Variants in ATP8B4 observed in about 807,000 individuals in gnomAD.
The protein encoded by ATP8B4 is ATPase phospholipid transporting 8B4 (putative).
Under a neutral mutation model 145.6 loss-of-function variants are expected in ATP8B4, and 133 were observed. The ratio of observed to expected loss-of-function variants is 0.91; its 90% CI spans 0.79 to 1.05. The LOEUF is 1.05. ATP8B4 is among the 50% of genes least tolerant of loss of function. ATP8B4 has a pLI of 0.00. For missense variants in ATP8B4, 1,458 were observed against 1,425.2 expected (o/e 1.02, Z -0.37); for synonymous variants, 507 against 492.9 (o/e 1.03, Z -0.38).
chr15:49,988,328 G>A (rs1314754666), intron 9 of ATP8B4, among the ~76,000 whole-genome samples: 2 of 152,020 alleles, frequency 1.3e-5, no homozygotes, highest in Non-Finnish European at 2.9e-5. Context: ...AATCTTTCAC[G>A]GACCCTGCCA....
chr15:50,136,018 T>C (rs2044116734), intron 1 of ATP8B4, among the ~76,000 whole-genome samples: 1 of 152,230 alleles, frequency 6.6e-6, no homozygotes, highest in Non-Finnish European at 1.5e-5. Context: ...TTCCGAACTA[T>C]TGATATAACC....
At chr15:50,045,722 C>A (rs1375972684) in intron 4 of ATP8B4, among the ~76,000 whole-genome samples, 1 of 152,220 alleles carries the variant, frequency 6.6e-6, no homozygotes, top group African/African-American at 2.4e-5. Context: ...ACCACCTAAT[C>A]TCTCTGGGTC....
At chr15:50,125,108 A>G (rs2057298633) in intron 1 of ATP8B4, among the ~76,000 whole-genome samples, 1 of 152,190 alleles carries the variant, frequency 6.6e-6, no homozygotes, top group Non-Finnish European at 1.5e-5. Context: ...GCTTTTTTAT[A>G]GACTGACATC....
chr15:50,059,657 G>A (rs902906511), intron 3 of ATP8B4, among the ~76,000 whole-genome samples: 4 of 152,036 alleles, frequency 2.6e-5, no homozygotes, highest in South Asian at 4.1e-4. Flanking sequence ...TCCTTTTCCC[G>A]ATTCACTCCA....
Position 49,979,728 on chromosome 15 carries a change from G to A in ATP8B4, c.923C>T (p.Thr308Ile). The change falls in exon 12 of 28, where the codon ACT (threonine) becomes ATT (isoleucine). Residue 308 changes from threonine to isoleucine, a missense_variant. Thr to Ile is a moderately conservative substitution (Grantham distance 89). Coordinates refer to ENST00000284509, the MANE Select transcript of ATP8B4 (RefSeq NM_024837.4). ...WESQTGDQFR[T>I]FLFWNEGEKS... Reference sequence around the variant, plus strand: ...CTCTCCTTCATTCCAAAAGAGGAAAGTTCTGAATTGGTCCCCAGTTTGACT... The same window carrying A: ...CTCTCCTTCATTCCAAAAGAGGAAAATTCTGAATTGGTCCCCAGTTTGACT... 1 of 1,610,460 alleles carries A rather than the reference G, an allele frequency of 6.2e-7. No homozygotes were observed. The highest frequency in any genetic ancestry group is 8.5e-7 in the Non-Finnish European group (1 of 1,177,096).
Position 49,996,774 on chromosome 15 carries a change from A to T in ATP8B4, c.507-15T>A, listed in dbSNP as rs2047463782. Reference sequence around the variant, plus strand: ...GGTTCGTTTCCCTGTGAAATTATTGACATGACATGAATTTTTATATGGAAC... The same window carrying T: ...GGTTCGTTTCCCTGTGAAATTATTGTCATGACATGAATTTTTATATGGAAC... On this transcript the variant is annotated splice_polypyrimidine_tract_variant and intron_variant, in intron 8 of 27. Transcript: ENST00000284509. The T allele has an allele frequency of 1.3e-6, 2 of 1,596,892 alleles. No individual in the cohort carries two copies. The highest frequency in any genetic ancestry group is 1.7e-6 in the Non-Finnish European group (2 of 1,166,328).
intron 6 of ATP8B4, among the ~76,000 whole-genome samples, chr15:50,017,930 AT>A (rs1164482003): frequency 3.9e-5 from 6 of 152,042 alleles, no homozygotes; most frequent in African/African-American, 1.4e-4. Flanking sequence ...ATAAGTTGTA[AT>A]GTTTATCATC....
At chr15:50,158,404 C>T (rs1279203339) in intron 1 of ATP8B4, among the ~76,000 whole-genome samples, 3 of 149,334 alleles carry the variant, frequency 2.0e-5, no homozygotes, top group Non-Finnish European at 4.4e-5. Flanking sequence ...GGTCAGCCCC[C>T]GCCCGGCCAG....
Position 49,860,099 on chromosome 15 carries a change from C to T in ATP8B4, c.*95G>A. ...AGTTAAGTGAGGCAATCTGCCTGCC[C>T]CACCTCTTGCCTCAAATCTCAAACT... On this transcript the variant is annotated 3_prime_UTR_variant, in exon 28 of 28. Coordinates refer to ENST00000284509, the MANE Select transcript of ATP8B4 (RefSeq NM_024837.4). 1 of 1,428,002 alleles carries T rather than the reference C, an allele frequency of 7.0e-7. No individual in the cohort carries two copies. Among genetic ancestry groups the T allele is most frequent in the Non-Finnish European group, 9.5e-7 (1 of 1,057,012 alleles). 88.5% of individuals were successfully genotyped at this position (1,428,002 alleles called of 1,614,324 possible).
intron 14 of ATP8B4, among the ~76,000 whole-genome samples, chr15:49,951,347 T>C (rs1167553173): frequency 1.3e-5 from 2 of 152,226 alleles, no homozygotes; most frequent in East Asian, 3.8e-4. Context: ...TCTGTAGATC[T>C]CTAAGAACTT....
At chr15:50,170,002 T>TA (rs1311864830) in intron 1 of ATP8B4, among the ~76,000 whole-genome samples, 3 of 151,960 alleles carry the variant, frequency 2.0e-5, no homozygotes, top group Non-Finnish European at 4.4e-5. Context: ...TAAGACAATA[T>TA]AAACAAAGCC....
At chr15:49,953,108 G>A (rs537049486) in intron 14 of ATP8B4, among the ~76,000 whole-genome samples, 7 of 152,148 alleles carry the variant, frequency 4.6e-5, no homozygotes, top group African/African-American at 1.7e-4. Context: ...CTCTGACCTC[G>A]AGGGGCACCA....
intron 1 of ATP8B4, among the ~76,000 whole-genome samples, chr15:50,128,393 G>A (rs1398458146): frequency 2.0e-5 from 3 of 152,246 alleles, no homozygotes; most frequent in Non-Finnish European, 4.4e-5. Flanking sequence ...TGGAACACTG[G>A]AGGAGAAAGG....
At chr15:50,110,960 A>G (rs1461783266) in intron 1 of ATP8B4, among the ~76,000 whole-genome samples, 1 of 152,120 alleles carries the variant, frequency 6.6e-6, no homozygotes, top group African/African-American at 2.4e-5. Context: ...CACAGAAAAT[A>G]GTTTTCTAAT....
chr15:50,078,916 T>A (rs2054361792), intron 2 of ATP8B4, among the ~76,000 whole-genome samples: 1 of 152,086 alleles, frequency 6.6e-6, no homozygotes, highest in Non-Finnish European at 1.5e-5. Flanking sequence ...TAATCAAGTG[T>A]GAAGGGGAAA....
intron 1 of ATP8B4, among the ~76,000 whole-genome samples, chr15:50,110,654 A>G (rs762387630): frequency 5.3e-5 from 8 of 152,234 alleles, no homozygotes. Flanking sequence ...CCTCTTAAAA[A>G]CTGCCTCAAA....
intron 13 of ATP8B4, among the ~76,000 whole-genome samples, chr15:49,964,770 A>C (rs2044377507): frequency 6.6e-6 from 1 of 152,214 alleles, no homozygotes. Flanking sequence ...GCCTTCTCCA[A>C]AAATAGGACA....
intron 20 of ATP8B4, among the ~76,000 whole-genome samples, chr15:49,910,457 TC>T (rs2039110787): frequency 1.3e-5 from 2 of 152,140 alleles, no homozygotes; most frequent in Non-Finnish European, 2.9e-5. Flanking sequence ...TCTTCCCAAC[TC>T]TAGCAAGAGA....
At position 49,923,418 on chromosome 15, in the gene ATP8B4, G is replaced by A. The variant is rs568108408; in HGVS notation, c.1719C>T (p.Ser573=). 1 of 1,613,278 alleles carries A rather than the reference G, an allele frequency of 6.2e-7. No individual in the cohort carries two copies. The highest frequency in any genetic ancestry group is 1.7e-5 in the Admixed American group (1 of 59,972). Residue 573 remains serine, a synonymous_variant, in exon 17 of 28, where the codon TCC becomes TCT. Coordinates refer to ENST00000284509, the MANE Select transcript of ATP8B4 (RefSeq NM_024837.4). ...ACGTCAAAGACAAAAGGACTTCATT[G>A]GAAGGATGAAGTTTTTCAAACAGAA... The part of the protein sequence containing the change: ...DTILFEKLHP[S]NEVLLSLTSD...
Sources: gnomAD v4.1 joint callset for allele counts (sites outside exome capture counted in the v4.1 genomes callset) on GRCh38, gnomAD v4.1.1 for gene constraint, MANE v1.5 for transcripts, NCBI Gene and HGNC (gene_info 2026-07-23, HGNC 2026-07-21) for gene names.